Variants in ALDH3A1 observed in about 807,000 individuals in gnomAD.
ALDH3A1 encodes aldehyde dehydrogenase 3 family member A1, also known as aldehyde dehydrogenase, dimeric NADP-preferring.
In ALDH3A1, 46 loss-of-function variants were observed where a neutral mutation model predicts 49.9. The ratio of observed to expected loss-of-function variants is 0.92; its 90% CI spans 0.73 to 1.18. ALDH3A1 has a LOEUF of 1.18. ALDH3A1 is among the 50% of genes most tolerant of loss of function. The probability of loss-of-function intolerance (pLI) is 0.00; values close to 1 mark genes in which losing one functional copy is unlikely to be tolerated. For synonymous variants in ALDH3A1, 269 were observed against 253.3 expected (o/e 1.06, Z -0.59); for missense variants, 592 against 611.8 (o/e 0.97, Z 0.34).
rs117114051 is a variant in ALDH3A1, at chr17:19,740,303, G to A, written c.949+33C>T. 4,737 of 1,606,342 alleles carry A rather than the reference G, an allele frequency of 2.9e-3. 211 individuals are homozygous for A. The East Asian group carries it at 0.084, about 28-fold the overall frequency. On this transcript the variant is annotated intron_variant, in intron 7 of 10. Coordinates refer to ENST00000225740, the MANE Select transcript of ALDH3A1 (RefSeq NM_000691.5). Reference sequence around the variant, plus strand: ...CTTGCTGGGGACCCCTGCAGCCTGGGCAGGTGGGCTGTGCTCTTCAGGGGT... The same window carrying A: ...CTTGCTGGGGACCCCTGCAGCCTGGACAGGTGGGCTGTGCTCTTCAGGGGT...
In ALDH3A1 at chr17:19,738,233, C is replaced by T. The variant is rs1010102300; in HGVS notation, c.1350G>A (p.Met450Ile). 7.4e-6 allele frequency: 12 copies of T among 1,613,968 alleles called. No individual in the cohort carries two copies. Among genetic ancestry groups the T allele is most frequent in the Non-Finnish European group, 9.3e-6 (11 of 1,180,032 alleles). Reference sequence around the variant, plus strand: ...GAGCAACCCCTCCTCAGTGCTGGGTCATCTGTGAAAGGGACACGGAGTGGG... The same window carrying T: ...GAGCAACCCCTCCTCAGTGCTGGGTTATCTGTGAAAGGGACACGGAGTGGG... ...KVRYPPSPAKMTQH is the reference protein window; with the variant it reads ...KVRYPPSPAKITQH The change falls in exon 11 of 11, where the codon ATG becomes ATA. Residue 450 changes from methionine to isoleucine, a missense_variant and splice_region_variant. Transcript: ENST00000225740.
At position 19,738,431 on chromosome 17, in the gene ALDH3A1, G is replaced by A. The variant is rs57555435; in HGVS notation, c.1239C>T (p.Tyr413=). The A allele has an allele frequency of 0.013, 21,562 of 1,613,396 alleles. 495 individuals are homozygous for A. The highest frequency in any genetic ancestry group is 0.12 in the East Asian group (5,571 of 44,854). The change falls in exon 10 of 11, where the codon TAC becomes TAT. Residue 413 remains tyrosine, a synonymous_variant. Transcript: ENST00000225740. ...AAGTCTCGAAGCTCTTCTTGCCATG[G>A]TAGGATCCCATGCCGCTGTTCCCTG... ...GGVGNSGMGS[Y]HGKKSFETFS... is the part of the protein sequence containing the mutation.
At chr17:19,744,395 T>G (rs2086559540) in intron 2 of ALDH3A1, 1 of 975,654 alleles carries the variant, frequency 1.0e-6, no homozygotes, top group Non-Finnish European at 1.2e-6. Context: ...AGAGCGAGAC[T>G]CTGTCTCAAA....
intron 4 of ALDH3A1, 140 bp downstream of exon 4, chr17:19,742,405 G>A: frequency 4.5e-6 from 5 of 1,123,122 alleles, no homozygotes; most frequent in South Asian, 1.5e-5. Flanking sequence ...ATGAGAGAGG[G>A]CAGCTGCTAA....
chr17:19,744,210 C>G, intron 2 of ALDH3A1: 4 of 799,574 alleles, frequency 5.0e-6, no homozygotes, highest in Non-Finnish European at 6.1e-6. Flanking sequence ...TCAAGACCAG[C>G]CTGTCCAACA....
At chr17:19,742,329 T>C (rs534470915) in intron 4 of ALDH3A1, 117 bp from the exon 5 acceptor site, 1 of 1,225,528 alleles carries the variant, frequency 8.2e-7, no homozygotes. Context: ...CACCCCACCT[T>C]GGGCGGGGGG....
rs2086447270 is a variant in ALDH3A1, at chr17:19,739,358, T to C, written c.1116+150A>G. 4.0e-6 allele frequency: 4 copies of C among 1,005,094 alleles called. No homozygotes were observed. In the South Asian group the frequency reaches 6.5e-5, roughly 16 times the overall value. 62.3% of individuals were successfully genotyped at this position (1,005,094 alleles called of 1,614,324 possible). The stretch of plus-strand genomic sequence containing the variant: ...TCAGTGCCCTCAGGTGATGCTGCTG[T>C]CCTGATCTTACAGACGAGGTGAAAG... On this transcript the variant is annotated intron_variant, in intron 8 of 10. Transcript: ENST00000225740.
intron 5 of ALDH3A1, among the ~76,000 whole-genome samples, chr17:19,741,568 G>T (rs2072329): frequency 2.6e-5 from 4 of 152,130 alleles, no homozygotes; most frequent in East Asian, 1.9e-4. Context: ...GCTAGGGTCA[G>T]GAGGTGCAGA....
At chr17:19,741,329 A>C (rs1314836332) in intron 5 of ALDH3A1, 119 bp from the exon 6 acceptor site, 11 of 797,482 alleles carry the variant, frequency 1.4e-5, no homozygotes, top group Middle Eastern at 3.7e-4. Context: ...GCCACCAGTG[A>C]GTCCTCCCAA....
At chr17:19,745,922 T>C (rs963788264) in intron 1 of ALDH3A1, among the ~76,000 whole-genome samples, 1 of 152,248 alleles carries the variant, frequency 6.6e-6, no homozygotes, top group African/African-American at 2.4e-5. Flanking sequence ...GGAAGTATTG[T>C]AAACATCCCA....
rs904052448 is a variant in ALDH3A1, at chr17:19,748,191, GC to G, written c.-6+67del. On this transcript the variant is annotated intron_variant, in intron 1 of 10. Transcript: ENST00000225740. This position sits in a 1 kb window ranked among gnomAD's most constrained non-coding sequence, Gnocchi z 4.4. ...TGATGTAGGACTCTTGACACTTAGGGCCCCGGCTCTGAGTGCAGACTCCACC... is the reference window on the plus strand; with the variant it reads ...TGATGTAGGACTCTTGACACTTAGGGCCCGGCTCTGAGTGCAGACTCCACC... 38 of 384,384 alleles carry G rather than the reference GC, an allele frequency of 9.9e-5. No homozygotes were observed. Among genetic ancestry groups the G allele is most frequent in the African/African-American group, 7.4e-4 (35 of 47,490 alleles). 23.8% of individuals were successfully genotyped at this position (384,384 alleles called of 1,614,324 possible).
At chr17:19,744,914 C>CCCCCCCCA in intron 2 of ALDH3A1, 54 bp downstream of exon 2, 2 of 1,196,488 alleles carry the variant, frequency 1.7e-6, no homozygotes, top group Non-Finnish European at 2.2e-6. Context: ...CCTCCCCCCA[C>CCCCCCCCA]GCCCCATCGC....
chr17:19,745,804 G>A (rs531350661), intron 1 of ALDH3A1: 1 of 152,342 alleles, frequency 6.6e-6, no homozygotes, highest in African/African-American at 2.4e-5. Context: ...GGGCAATTTG[G>A]CAATATGTGG....
chr17:19,741,992 C>G lies in ALDH3A1; in HGVS notation c.689+12G>C, dbSNP rs369396278. On this transcript the variant is annotated intron_variant, in intron 5 of 10. Coordinates refer to ENST00000225740, the MANE Select transcript of ALDH3A1 (RefSeq NM_000691.5). ...TAAGGACTGCTGCAGCCAGCAGGCC[C>G]GTGCCTCTCACCGGCAGGCCACGTC... is the stretch of plus-strand genomic sequence containing the variant. The G allele has an allele frequency of 6.2e-7, 1 of 1,613,294 alleles. No individual in the cohort carries two copies. Among genetic ancestry groups the G allele is most frequent in the Non-Finnish European group, 8.5e-7 (1 of 1,179,668 alleles).
chr17:19,742,616 G>T lies in ALDH3A1; in HGVS notation c.409C>A (p.Leu137Ile), dbSNP rs1229036423. ...GAIAAGNSVV[L>I]KPSELSENMA... ...TTCTCACTCAGCTCCGAGGGCTTGA[G>T]GACCACTGAGTTCCCTGCAGAGCAC... The change falls in exon 4 of 11, where the codon CTC (leucine) becomes ATC (isoleucine). Residue 137 changes from leucine (L) to isoleucine (I), a missense_variant. Coordinates refer to ENST00000225740, the MANE Select transcript of ALDH3A1 (RefSeq NM_000691.5). The T allele has an allele frequency of 2.8e-5, 45 of 1,613,902 alleles. No individual in the cohort carries two copies. Among genetic ancestry groups the T allele is most frequent in the Non-Finnish European group, 3.6e-5 (43 of 1,180,018 alleles).
rs1056385949 is a variant in ALDH3A1 at position 19,744,366 on chromosome 17, A to C, written c.162+602T>G. ...TGCAGTGAGCCGAGATCGCGCCATT[A>C]CACTCCAGCCTGGGCGACAGAGCGA... On this transcript the variant is annotated intron_variant, in intron 2 of 10. Transcript: ENST00000225740. 3.2e-6 allele frequency: 3 copies of C among 951,958 alleles called. No individual in the cohort carries two copies. The African/African-American group carries it at 5.3e-5, about 17-fold the overall frequency. The allele number at this position is 951,958 out of a possible 1,614,324, so 59.0% of individuals were successfully genotyped here.
In ALDH3A1 at chr17:19,743,053, C is replaced by G; in HGVS notation, c.394+179G>C. 1 of 1,533,438 alleles carries G rather than the reference C, an allele frequency of 6.5e-7. No individual in the cohort carries two copies. The highest frequency in any genetic ancestry group is 8.7e-7 in the Non-Finnish European group (1 of 1,145,908). The allele number at this position is 1,533,438 out of a possible 1,614,324, so 95.0% of individuals were successfully genotyped here. ...ACCAGGTGTGGACACCTGAGCCTGA[C>G]TGGACCTCAGGCACCAAGAGGCCTG... On this transcript the variant is annotated intron_variant, in intron 3 of 10. Transcript: ENST00000225740. This position sits in a 1 kb window ranked among gnomAD's most constrained non-coding sequence, Gnocchi z 4.4.
At chr17:19,744,681 G>A in intron 2 of ALDH3A1, 1 of 1,314,088 alleles carries the variant, frequency 7.6e-7, no homozygotes. Context: ...GGAATGGGGA[G>A]GACCAGAAGT....
At position 19,743,056 on chromosome 17, in the gene ALDH3A1, GACCTCAGGC is replaced by G; in HGVS notation, c.394+167_394+175del. ...AGGTGTGGACACCTGAGCCTGACTG[GACCTCAGGC>G]ACCAAGAGGCCTGGCTAAACAGCTT... is the stretch of plus-strand genomic sequence containing the variant. On this transcript the variant is annotated intron_variant, in intron 3 of 10. Transcript: ENST00000225740. The surrounding 1 kb of genome is among the most constrained non-coding windows in gnomAD (Gnocchi z 4.4). The G allele has an allele frequency of 6.5e-7, 1 of 1,533,614 alleles. No homozygotes were observed. The highest frequency in any genetic ancestry group is 8.7e-7 in the Non-Finnish European group (1 of 1,146,056).
Sources: gnomAD v4.1 joint callset for allele counts (sites outside exome capture counted in the v4.1 genomes callset) on GRCh38, gnomAD v4.1.1 for gene constraint, Gnocchi (gnomAD v3.1) non-coding constraint, MANE v1.5 for transcripts, NCBI Gene and HGNC (gene_info 2026-07-23, HGNC 2026-07-21) for gene names.